The following DYNC2H1 variants were observed in gnomAD, a reference collection of about 807,000 sequenced individuals.
The protein encoded by DYNC2H1 is cytoplasmic dynein 2 heavy chain 1.
In DYNC2H1, 410 loss-of-function variants were observed where a neutral mutation model predicts 570.0. That is an observed-to-expected ratio of 0.72 (90% CI 0.66 to 0.78). DYNC2H1 has a LOEUF of 0.78. Ranked by LOEUF, DYNC2H1 falls within the 30% of genes least tolerant of loss-of-function variation. The pLI, the probability that DYNC2H1 is intolerant of heterozygous loss-of-function variation, is 0.00. For missense variants in DYNC2H1, 4,865 were observed against 5,046.4 expected (o/e 0.96, Z 1.09); for synonymous variants, 1,688 against 1,677.6 (o/e 1.01, Z -0.15).
chr11:103,240,081 A>G (rs1003871371), intron 63 of DYNC2H1, among the ~76,000 whole-genome samples: 3 of 152,128 alleles, frequency 2.0e-5, no homozygotes, highest in African/African-American at 7.2e-5. Context: ...TAAGGGAAAA[A>G]ACTAGCAATT....
chr11:103,199,493 C>A lies in DYNC2H1; in HGVS notation c.8088+17C>A. The A allele has an allele frequency of 6.5e-7, 1 of 1,527,786 alleles. No homozygotes were observed. Among genetic ancestry groups the A allele is most frequent in the East Asian group, 2.3e-5 (1 of 43,750 alleles). 94.6% of individuals were successfully genotyped at this position (1,527,786 alleles called of 1,614,324 possible). ...CTCAAACATGTGAGTTGCCCACTCTCTTTTGCTTTATTTGGTTTTAAATTA... is the reference window on the plus strand; with the variant it reads ...CTCAAACATGTGAGTTGCCCACTCTATTTTGCTTTATTTGGTTTTAAATTA... On this transcript the variant is annotated intron_variant, in intron 49 of 88. Transcript: ENST00000375735. This position sits in a 1 kb window ranked among gnomAD's most constrained non-coding sequence, Gnocchi z 4.6.
At chr11:103,206,682 A>G (rs1862938988) in intron 52 of DYNC2H1, among the ~76,000 whole-genome samples, 1 of 152,176 alleles carries the variant, frequency 6.6e-6, no homozygotes, top group African/African-American at 2.4e-5. Flanking sequence ...AAAGGAAGAA[A>G]GTATGATGAA....
intron 76 of DYNC2H1, 101 bp downstream of exon 76, chr11:103,303,354 A>G (rs1867132135): frequency 7.7e-7 from 1 of 1,296,554 alleles, no homozygotes; most frequent in Non-Finnish European, 1.1e-6. Context: ...AAGCCAAATA[A>G]TGCCCCCAAA....
At chr11:103,143,513 AT>A in intron 18 of DYNC2H1, 118 bp downstream of exon 18, 1 of 1,001,538 alleles carries the variant, frequency 1.0e-6, no homozygotes, top group Non-Finnish European at 1.4e-6. Context: ...TCCAGATCTC[AT>A]TTATGACACT....
chr11:103,376,553 G>T (rs559757063), intron 83 of DYNC2H1, among the ~76,000 whole-genome samples: 32 of 152,166 alleles, frequency 2.1e-4, no homozygotes, highest in African/African-American at 7.7e-4. Flanking sequence ...AGCTGATAAT[G>T]TAACTTTGGT....
intron 82 of DYNC2H1, among the ~76,000 whole-genome samples, chr11:103,357,070 A>C (rs1940382516): frequency 1.3e-5 from 2 of 152,182 alleles, no homozygotes; most frequent in African/African-American, 4.8e-5. Flanking sequence ...TAGGTATAAT[A>C]TGAAAAACAA....
rs1013513992 is a variant in DYNC2H1 at position 103,239,441 on chromosome 11, T to C, written c.9819+2902T>C. Among the ~76,000 whole-genome samples, 1 of 152,174 alleles carries C rather than the reference T, an allele frequency of 6.6e-6. No individual in the cohort carries two copies. Among genetic ancestry groups the C allele is most frequent in the African/African-American group, 2.4e-5 (1 of 41,462 alleles). ...GCATATATTACTGTTTAAGAATAAA[T>C]AGGTAAGGCACTTAAACACATAACT... On this transcript the variant is annotated intron_variant, in intron 63 of 88. Transcript: ENST00000375735. This position sits in a 1 kb window ranked among gnomAD's most constrained non-coding sequence, Gnocchi z 4.3.
chr11:103,154,876 G>T, intron 24 of DYNC2H1, 67 bp downstream of exon 24: 1 of 1,125,608 alleles, frequency 8.9e-7, no homozygotes, highest in South Asian at 1.9e-5. Flanking sequence ...TGTAGTGACT[G>T]AACTATATAA....
At chr11:103,182,979 A>T (rs1861914363) in intron 40 of DYNC2H1, among the ~76,000 whole-genome samples, 1 of 151,764 alleles carries the variant, frequency 6.6e-6, no homozygotes, top group Non-Finnish European at 1.5e-5. Flanking sequence ...GAAAGGGAAC[A>T]CTCCCATTAG....
At position 103,239,642 on chromosome 11, in the gene DYNC2H1, AGTGTGTGTGT is replaced by A. The variant is rs140380392; in HGVS notation, c.9819+3130_9819+3139del. ...CTCCTGTCTATACACTTCTCATAGG[AGTGTGTGTGT>A]GTGTGTGTGTGTGTGTGTGTGTGTG... On this transcript the variant is annotated intron_variant, in intron 63 of 88. Transcript: ENST00000375735. This position sits in a 1 kb window ranked among gnomAD's most constrained non-coding sequence, Gnocchi z 4.3. Among the ~76,000 whole-genome samples the A allele has an allele frequency of 1.2e-4, 17 of 140,104 alleles. No homozygotes were observed. Among genetic ancestry groups the A allele is most frequent in the African/African-American group, 1.8e-4 (7 of 37,892 alleles). The allele number at this position is 140,104 out of a possible 152,430, so 91.9% of individuals were successfully genotyped here.
intron 77 of DYNC2H1, 57 bp from the exon 78 acceptor site, chr11:103,307,664 A>G: frequency 4.4e-6 from 4 of 913,760 alleles, no homozygotes; most frequent in South Asian, 1.9e-5. Context: ...ATGTAATGTA[A>G]AAGAGAAACT....
intron 74 of DYNC2H1, 46 bp from the exon 75 acceptor site, chr11:103,287,487 T>A (rs1283164064): frequency 6.9e-7 from 1 of 1,451,420 alleles, no homozygotes. Context: ...GTTAAAGTAG[T>A]TGCAGCAACT....
At chr11:103,132,110 T>C (rs1859309057) in intron 13 of DYNC2H1, among the ~76,000 whole-genome samples, 1 of 152,142 alleles carries the variant, frequency 6.6e-6, no homozygotes, top group African/African-American at 2.4e-5. Flanking sequence ...TATGTATATA[T>C]ATACAAAATC....
chr11:103,237,476 G>A (rs1864263320), intron 63 of DYNC2H1, among the ~76,000 whole-genome samples: 1 of 151,988 alleles, frequency 6.6e-6, no homozygotes, highest in African/African-American at 2.4e-5. Context: ...TAACTTACCG[G>A]TAGAGAAGTT....
In DYNC2H1 at chr11:103,220,826, T is replaced by A. The variant is rs557013602; in HGVS notation, c.9107+43T>A. 3 of 1,541,036 alleles carry A rather than the reference T, an allele frequency of 1.9e-6. No homozygotes were observed. The African/African-American group carries it at 4.1e-5, about 21-fold the overall frequency. On this transcript the variant is annotated intron_variant, in intron 57 of 88. Coordinates refer to ENST00000375735, the MANE Select transcript of DYNC2H1 (RefSeq NM_001377.3). ...TGAAAAATATTATTTCGGCAATGAA[T>A]GACACATTCTTTCGTAGTTTTAAAT...
intron 73 of DYNC2H1, among the ~76,000 whole-genome samples, chr11:103,284,676 TATTTA>T (rs1165868884): frequency 1.3e-5 from 2 of 152,220 alleles, no homozygotes; most frequent in East Asian, 1.9e-4. Flanking sequence ...TATTTTCTGC[TATTTA>T]ATTTAAGTTA....
At chr11:103,231,546 T>TA (rs1858204576) in intron 60 of DYNC2H1, among the ~76,000 whole-genome samples, 200 bp downstream of exon 60, 1 of 151,584 alleles carries the variant, frequency 6.6e-6, no homozygotes, top group African/African-American at 2.4e-5. Context: ...TCTTTTGTGT[T>TA]AAAAAAATTT....
Position 103,135,640 on chromosome 11 carries a change from A to T in DYNC2H1, c.2345+6A>T. On this transcript the variant is annotated splice_donor_region_variant and intron_variant, in intron 16 of 88. Transcript: ENST00000375735. The stretch of plus-strand genomic sequence containing the variant: ...AATATAGACTTAACTTACAAGTAAG[A>T]TGTTTTTTCAACCCCAATTTAATGT... 1 of 1,610,048 alleles carries T rather than the reference A, an allele frequency of 6.2e-7. No homozygotes were observed. The highest frequency in any genetic ancestry group is 1.1e-5 in the South Asian group (1 of 89,576).
chr11:103,166,928 T>A (rs1328818617), intron 31 of DYNC2H1, among the ~76,000 whole-genome samples: 3 of 151,036 alleles, frequency 2.0e-5, no homozygotes, highest in Non-Finnish European at 4.4e-5. Flanking sequence ...TCCTATATTC[T>A]GAGTTTCTCA....
Sources: allele counts gnomAD v4.1 joint callset (sites outside exome capture counted in the v4.1 genomes callset), GRCh38; gene constraint gnomAD v4.1.1; non-coding constraint Gnocchi (gnomAD v3.1); transcripts MANE v1.5; gene names NCBI Gene and HGNC (gene_info 2026-07-23, HGNC 2026-07-21).